NCKAP5: variants seen among roughly 807,000 people sequenced by gnomAD.
The protein encoded by NCKAP5 is NCK associated protein 5.
Under a neutral mutation model 167.0 loss-of-function variants are expected in NCKAP5, and 92 were observed. The observed-to-expected ratio is 0.55, with a 90% CI of 0.47 to 0.66. The LOEUF (loss-of-function observed/expected upper bound fraction) is 0.66. NCKAP5 is among the 30% of genes least tolerant of loss of function. NCKAP5 has a pLI of 0.00. For synonymous variants in NCKAP5, 891 were observed against 877.4 expected (o/e 1.02, Z -0.27); for missense variants, 2,378 against 2,315.0 (o/e 1.03, Z -0.56).
chr2:133,499,132 G>A (rs1682248981), intron 3 of NCKAP5, among the ~76,000 whole-genome samples: 1 of 152,116 alleles, frequency 6.6e-6, no homozygotes, highest in South Asian at 2.1e-4. Context: ...GATATAAATG[G>A]CTTTATCATT....
chr2:133,282,030 T>TA (rs2089954773), intron 4 of NCKAP5, among the ~76,000 whole-genome samples: 1 of 152,138 alleles, frequency 6.6e-6, no homozygotes, highest in East Asian at 1.9e-4. Flanking sequence ...CACGTGCCTA[T>TA]AAGGAAGAGG....
chr2:133,597,646 C>T, the NCKAP5 span, among the ~76,000 whole-genome samples: 6 of 129,828 alleles, frequency 4.6e-5, no homozygotes, highest in Non-Finnish European at 6.1e-5. Context: ...TGCACTCCAG[C>T]CTGGGAGACA....
At chr2:132,690,474 T>C (rs1686583939) in intron 19 of NCKAP5, among the ~76,000 whole-genome samples, 1 of 152,240 alleles carries the variant, frequency 6.6e-6, no homozygotes, top group African/African-American at 2.4e-5. Context: ...AGAAGTGTTC[T>C]GGTCTCTGTT....
intron 3 of NCKAP5, among the ~76,000 whole-genome samples, chr2:133,414,942 C>T (rs1353367032): frequency 6.6e-6 from 1 of 152,158 alleles, no homozygotes. Flanking sequence ...CTTCAGTGGC[C>T]TGAGATAAGG....
chr2:133,243,089 C>T (rs2087801394), intron 4 of NCKAP5, among the ~76,000 whole-genome samples: 1 of 151,708 alleles, frequency 6.6e-6, no homozygotes, highest in Admixed American at 6.5e-5. Context: ...TTGAGAAATC[C>T]TTCTTCATAC....
At chr2:132,838,848 C>T (rs922319563) in intron 11 of NCKAP5, among the ~76,000 whole-genome samples, 11 of 152,092 alleles carry the variant, frequency 7.2e-5, no homozygotes, top group Non-Finnish European at 1.2e-4. Context: ...TATGGGAGTA[C>T]CCTCTCCTTG....
At chr2:133,138,236 A>T (rs1358977274) in intron 5 of NCKAP5, among the ~76,000 whole-genome samples, 3 of 152,220 alleles carry the variant, frequency 2.0e-5, no homozygotes, top group Non-Finnish European at 4.4e-5. Context: ...GAGAAACCTC[A>T]TCATATCCCA....
rs554294377 is a variant in NCKAP5 at position 133,019,384 on chromosome 2, G to C, written c.342-25145C>G. ...ACTGGTCAGTGGTGGGGAGAATTGG[G>C]GCAGGGGAAGGAAGGAAAAGTGGGG... On this transcript the variant is annotated intron_variant, in intron 6 of 19. Coordinates refer to ENST00000409261, the MANE Select transcript of NCKAP5 (RefSeq NM_207363.3). Among the ~76,000 whole-genome samples the C allele has an allele frequency of 8.5e-5, 13 of 152,226 alleles. No individual in the cohort carries two copies. The East Asian group carries it at 2.5e-3, about 29-fold the overall frequency.
At chr2:133,550,986 C>G (rs1687243900) in intron 2 of NCKAP5, among the ~76,000 whole-genome samples, 4 of 152,118 alleles carry the variant, frequency 2.6e-5, no homozygotes, top group Admixed American at 2.0e-4. Flanking sequence ...AGTGAATTCC[C>G]ATTCACAATT....
At chr2:133,644,964 A>G in the NCKAP5 span, among the ~76,000 whole-genome samples, 1 of 152,224 alleles carries the variant, frequency 6.6e-6, no homozygotes, top group Non-Finnish European at 1.5e-5. Flanking sequence ...GACCATGAAC[A>G]TAATTTACTG....
rs1259362997 is a variant in NCKAP5 at position 133,278,663 on chromosome 2, G to GA, written c.143+24373dup. On this transcript the variant is annotated intron_variant, in intron 4 of 19. Transcript: ENST00000409261. ...TTATTTTTCCTACCACACATAGCAA[G>GA]AAAAAACTCAAAAACAAACCAAAAA... 6.5e-4 allele frequency among the ~76,000 whole-genome samples: 95 copies of GA among 146,546 alleles called. 1 individual carries two copies. Among genetic ancestry groups the GA allele is most frequent in the African/African-American group, 2.3e-3 (93 of 39,792 alleles).
At chr2:133,254,127 G>C (rs939991515) in intron 4 of NCKAP5, among the ~76,000 whole-genome samples, 1 of 152,160 alleles carries the variant, frequency 6.6e-6, no homozygotes, top group African/African-American at 2.4e-5. Flanking sequence ...TCATGACCTG[G>C]TGTAATCTCC....
At chr2:133,232,838 A>C (rs1177911516) in intron 4 of NCKAP5, among the ~76,000 whole-genome samples, 2 of 152,188 alleles carry the variant, frequency 1.3e-5, no homozygotes, top group Non-Finnish European at 2.9e-5. Context: ...TAATAATAGT[A>C]TTATTTATAA....
intron 11 of NCKAP5, among the ~76,000 whole-genome samples, chr2:132,841,028 TA>T (rs1200604893): frequency 6.6e-6 from 1 of 152,198 alleles, no homozygotes; most frequent in Non-Finnish European, 1.5e-5. Flanking sequence ...TGTCATATAT[TA>T]GATTTTCATA....
In NCKAP5 at chr2:133,240,671, G is replaced by A. The variant is rs117660994; in HGVS notation, c.144-26892C>T. ...CACATACAAAAAGTGCTTTTTGCCA[G>A]GCGGGAGAGGATGACTGGAATGCAA... On this transcript the variant is annotated intron_variant, in intron 4 of 19. Transcript: ENST00000409261. 2.2e-4 allele frequency among the ~76,000 whole-genome samples: 33 copies of A among 152,242 alleles called. No individual in the cohort carries two copies. The East Asian group carries it at 6.2e-3, about 29-fold the overall frequency.
At chr2:132,995,819 A>T (rs2077580493) in intron 6 of NCKAP5, among the ~76,000 whole-genome samples, 1 of 151,982 alleles carries the variant, frequency 6.6e-6, no homozygotes. Flanking sequence ...TACTAAAAAT[A>T]CAAAAATTAG....
chr2:132,892,428 C>T (rs1456749847), intron 8 of NCKAP5, among the ~76,000 whole-genome samples: 1 of 152,112 alleles, frequency 6.6e-6, no homozygotes, highest in Non-Finnish European at 1.5e-5. Flanking sequence ...ATATTCCATC[C>T]CCCACCACCA....
chr2:133,283,680 G>A (rs2090007581), intron 4 of NCKAP5, among the ~76,000 whole-genome samples: 1 of 150,500 alleles, frequency 6.6e-6, no homozygotes, highest in African/African-American at 2.5e-5. Flanking sequence ...GCAGGATCTC[G>A]GCTCACTGCA....
At chr2:132,941,260 T>C (rs1160893984) in intron 8 of NCKAP5, among the ~76,000 whole-genome samples, 1 of 152,226 alleles carries the variant, frequency 6.6e-6, no homozygotes, top group Non-Finnish European at 1.5e-5. Context: ...ACTGGACCTC[T>C]GCTGTTTGTA....
Sources: gnomAD v4.1 joint callset for allele counts (sites outside exome capture counted in the v4.1 genomes callset) on GRCh38, gnomAD v4.1.1 for gene constraint, MANE v1.5 for transcripts, NCBI Gene and HGNC (gene_info 2026-07-23, HGNC 2026-07-21) for gene names.